CSGALNACT1: variants seen among roughly 807,000 people sequenced by gnomAD.
CSGALNACT1 encodes the protein chondroitin sulfate N-acetylgalactosaminyltransferase 1, also known as beta4GalNAcT-1.
A neutral mutation model predicts 51.0 loss-of-function variants in CSGALNACT1; 52 were observed. The ratio of observed to expected loss-of-function variants is 1.02; its 90% CI spans 0.82 to 1.29. The LOEUF is 1.29. CSGALNACT1 is among the 50% of genes most tolerant of loss of function. The pLI is 0.00. For missense variants in CSGALNACT1, 935 were observed against 679.2 expected (o/e 1.38, Z -4.19); for synonymous variants, 341 against 254.4 (o/e 1.34, Z -3.24).
At chr8:19,700,611 C>G (rs2061813348) in intron 1 of CSGALNACT1, among the ~76,000 whole-genome samples, 1 of 152,156 alleles carries the variant, frequency 6.6e-6, no homozygotes, top group Non-Finnish European at 1.5e-5. Flanking sequence ...CCCTCTATCC[C>G]TGCACCTACA....
intron 1 of CSGALNACT1, among the ~76,000 whole-genome samples, chr8:19,621,971 C>G (rs1481495015): frequency 6.6e-6 from 1 of 152,122 alleles, no homozygotes; most frequent in East Asian, 1.9e-4. Context: ...CATCATTTTT[C>G]TTAAGCCTAC....
At chr8:19,661,076 C>A (rs1042624983) in intron 1 of CSGALNACT1, among the ~76,000 whole-genome samples, 4 of 144,406 alleles carry the variant, frequency 2.8e-5, no homozygotes, top group Admixed American at 2.7e-4. Flanking sequence ...CCACACCTGG[C>A]TAATTTTTTT....
At chr8:19,572,448 A>T (rs2043233333) in intron 3 of CSGALNACT1, among the ~76,000 whole-genome samples, 1 of 152,228 alleles carries the variant, frequency 6.6e-6, no homozygotes, top group Admixed American at 6.5e-5. Flanking sequence ...GCAAAAAGCA[A>T]CAGGACTCAA....
intron 4 of CSGALNACT1, among the ~76,000 whole-genome samples, chr8:19,492,862 T>C (rs887033262): frequency 6.6e-5 from 10 of 152,220 alleles, no homozygotes; most frequent in East Asian, 3.8e-4. Flanking sequence ...AGATTTTTCA[T>C]AGTTTTGTCT....
intron 5 of CSGALNACT1, among the ~76,000 whole-genome samples, chr8:19,452,120 G>A (rs562046023): frequency 2.0e-5 from 3 of 152,320 alleles, no homozygotes; most frequent in East Asian, 1.9e-4. Context: ...TTTCAACAGA[G>A]TGGAGACCAA....
intron 1 of CSGALNACT1, among the ~76,000 whole-genome samples, chr8:19,678,007 T>C (rs557189082): frequency 1.3e-5 from 2 of 152,088 alleles, no homozygotes; most frequent in Non-Finnish European, 2.9e-5. Context: ...TCCCAGCTAC[T>C]TGGGAGGCTG....
intron 1 of CSGALNACT1, among the ~76,000 whole-genome samples, chr8:19,620,009 A>G (rs894563165): frequency 6.6e-5 from 10 of 152,160 alleles, no homozygotes; most frequent in Non-Finnish European, 1.5e-5. Context: ...ATTAACCAGG[A>G]AACTTCTATA....
exon 10 of CSGALNACT1, chr8:19,405,530 A>G (rs748200813): frequency 1.1e-5 from 7 of 648,518 alleles, no homozygotes; most frequent in Non-Finnish European, 2.0e-5. Context: ...CATTAGGCTT[A>G]TAATCTCACA....
intron 1 of CSGALNACT1, among the ~76,000 whole-genome samples, chr8:19,746,044 G>T (rs974258094): frequency 1.3e-5 from 2 of 152,244 alleles, no homozygotes; most frequent in Admixed American, 1.3e-4. Context: ...GGAGACCTGA[G>T]GGTTGGTTTT....
chr8:19,723,753 A>G (rs2063250616), intron 1 of CSGALNACT1, among the ~76,000 whole-genome samples: 1 of 152,220 alleles, frequency 6.6e-6, no homozygotes, highest in Non-Finnish European at 1.5e-5. Context: ...ATGGTACCGT[A>G]CATGAGAAAA....
intron 3 of CSGALNACT1, among the ~76,000 whole-genome samples, chr8:19,587,193 T>C (rs931548230): frequency 1.3e-5 from 2 of 152,204 alleles, no homozygotes; most frequent in African/African-American, 4.8e-5. Flanking sequence ...TTTTCAAAAT[T>C]GCAGGTAACT....
chr8:19,499,569 C>T (rs2076064065), intron 4 of CSGALNACT1, among the ~76,000 whole-genome samples: 1 of 152,184 alleles, frequency 6.6e-6, no homozygotes, highest in South Asian at 2.1e-4. Flanking sequence ...GCCTGATTTG[C>T]CAGCTTCTGC....
intron 3 of CSGALNACT1, among the ~76,000 whole-genome samples, chr8:19,571,801 T>C (rs559151731): frequency 6.6e-6 from 1 of 152,324 alleles, no homozygotes. Flanking sequence ...AACAGAAACC[T>C]CTGCCCTCTT....
chr8:19,627,588 C>G (rs932390306), intron 1 of CSGALNACT1, among the ~76,000 whole-genome samples: 2 of 152,074 alleles, frequency 1.3e-5, no homozygotes, highest in Non-Finnish European at 2.9e-5. Context: ...TTAAGAGAGG[C>G]TGAAGCAGAA....
intron 8 of CSGALNACT1, among the ~76,000 whole-genome samples, chr8:19,411,830 CTCCT>C (rs1345675879): frequency 7.1e-6 from 1 of 140,496 alleles, no homozygotes; most frequent in African/African-American, 2.8e-5. Flanking sequence ...AAGCACTATC[CTCCT>C]TTTTTTTTTT....
At chr8:19,426,950 A>G (rs990009620) in intron 6 of CSGALNACT1, among the ~76,000 whole-genome samples, 25 of 152,238 alleles carry the variant, frequency 1.6e-4, no homozygotes, top group South Asian at 4.1e-4. Context: ...TTTACATAGA[A>G]AACTAGTATT....
At chr8:19,526,239 C>T (rs907219268) in intron 3 of CSGALNACT1, among the ~76,000 whole-genome samples, 2 of 152,046 alleles carry the variant, frequency 1.3e-5, no homozygotes, top group Admixed American at 6.6e-5. Flanking sequence ...CTTGCATTTC[C>T]TTAACTAGAG....
At chr8:19,596,694 T>G (rs1378366540) in intron 2 of CSGALNACT1, among the ~76,000 whole-genome samples, 3 of 152,082 alleles carry the variant, frequency 2.0e-5, no homozygotes, top group Non-Finnish European at 4.4e-5. Flanking sequence ...AAAAAGTGAT[T>G]TAAAAATCTA....
chr8:19,727,215 T>C lies in CSGALNACT1; in HGVS notation c.-297+30635A>G, dbSNP rs372083275. 2.8e-4 allele frequency among the ~76,000 whole-genome samples: 42 copies of C among 152,248 alleles called. No individual in the cohort carries two copies. In the East Asian group the frequency reaches 7.5e-3, roughly 27 times the overall value. The stretch of plus-strand genomic sequence containing the variant: ...GGAAAGGAGTGGATGATGAGCAGCA[T>C]GAAGGAGAAAAAAAATGTCCAGTGG... On this transcript the variant is annotated intron_variant, in intron 1 of 1. Coordinates refer to the CSGALNACT1 transcript ENST00000517494.
Sources: gnomAD v4.1 joint callset for allele counts (sites outside exome capture counted in the v4.1 genomes callset) on GRCh38, gnomAD v4.1.1 for gene constraint, MANE v1.5 for transcripts, NCBI Gene and HGNC (gene_info 2026-07-23, HGNC 2026-07-21) for gene names.